The following LHFPL3 variants were observed in gnomAD, a reference collection of about 807,000 sequenced individuals.
LHFPL3 encodes LHFPL tetraspan subfamily member 3.
LHFPL3 carries 5 observed loss-of-function variants against 19.3 expected under a neutral mutation model. The observed-to-expected ratio is 0.26, with a 90% CI of 0.14 to 0.54. LHFPL3 has a LOEUF of 0.54. LHFPL3 is among the 20% of genes least tolerant of loss of function. The pLI is 0.94. For missense variants in LHFPL3, 249 were observed against 307.4 expected (o/e 0.81, Z 1.42); for synonymous variants, 133 against 126.2 (o/e 1.05, Z -0.36).
chr7:104,545,095 G>C (rs1794555798), intron 1 of LHFPL3, among the ~76,000 whole-genome samples: 1 of 152,042 alleles, frequency 6.6e-6, no homozygotes, highest in South Asian at 2.1e-4. Flanking sequence ...TTTGAATGTT[G>C]TCCAATTACT....
intron 1 of LHFPL3, among the ~76,000 whole-genome samples, chr7:104,717,940 A>G (rs1216496146): frequency 2.6e-5 from 4 of 152,222 alleles, no homozygotes; most frequent in African/African-American, 4.8e-5. Context: ...GGATTACAAA[A>G]TATAGTATAT....
intron 1 of LHFPL3, among the ~76,000 whole-genome samples, chr7:104,561,879 TG>T (rs564121631): frequency 3.7e-4 from 56 of 152,268 alleles, no homozygotes; most frequent in South Asian, 2.5e-3. Context: ...GCAGGCCTGG[TG>T]GTGACAAAAT....
At chr7:104,393,454 A>T (rs563361954) in intron 1 of LHFPL3, among the ~76,000 whole-genome samples, 6 of 152,356 alleles carry the variant, frequency 3.9e-5, no homozygotes, top group African/African-American at 1.4e-4. Flanking sequence ...ATGGTGGCTC[A>T]TGCCTGTAAT....
intron 1 of LHFPL3, among the ~76,000 whole-genome samples, chr7:104,381,998 T>A (rs1246457453): frequency 6.6e-6 from 1 of 152,160 alleles, no homozygotes; most frequent in Non-Finnish European, 1.5e-5. Flanking sequence ...CAGAGTATAT[T>A]TAGCTTCCCT....
intron 1 of LHFPL3, among the ~76,000 whole-genome samples, chr7:104,390,381 C>T (rs1009644471): frequency 5.3e-5 from 8 of 150,882 alleles, no homozygotes; most frequent in Non-Finnish European, 7.4e-5. Flanking sequence ...TGTTCCCCAA[C>T]CTGTGTCCAA....
intron 1 of LHFPL3, among the ~76,000 whole-genome samples, chr7:104,451,197 A>G (rs1792430190): frequency 6.6e-6 from 1 of 152,194 alleles, no homozygotes; most frequent in Non-Finnish European, 1.5e-5. Flanking sequence ...CGTTTTTTTC[A>G]TGGAAATATC....
Position 104,906,269 on chromosome 7 carries a change from C to G in LHFPL3, c.*54C>G. ...CAAATCGAATAACAGCTAAACGAATCGAATAACAGCTTTTGTACATCAACA... is the reference window on the plus strand; with the variant it reads ...CAAATCGAATAACAGCTAAACGAATGGAATAACAGCTTTTGTACATCAACA... On this transcript the variant is annotated 3_prime_UTR_variant, in exon 3 of 3. Transcript: ENST00000424859. The G allele has an allele frequency of 6.4e-7, 1 of 1,560,054 alleles. No homozygotes were observed. The highest frequency in any genetic ancestry group is 8.8e-7 in the Non-Finnish European group (1 of 1,142,762).
chr7:104,785,971 C>G (rs749989381), intron 2 of LHFPL3, among the ~76,000 whole-genome samples: 3 of 152,190 alleles, frequency 2.0e-5, no homozygotes, highest in Non-Finnish European at 2.9e-5. Context: ...TGCCAAATTG[C>G]AAACACACTT....
chr7:104,357,492 C>T (rs966365991), intron 1 of LHFPL3, among the ~76,000 whole-genome samples: 1 of 152,140 alleles, frequency 6.6e-6, no homozygotes, highest in Non-Finnish European at 1.5e-5. Context: ...CACTAACTTT[C>T]GGGTAGCCAA....
Position 104,329,213 on chromosome 7 carries a change from AGCTCACCTCCGGTGAGTGCGC to A in LHFPL3, c.445+1_445+21del, listed in dbSNP as rs767607295. The A allele has an allele frequency of 4.1e-5, 66 of 1,606,570 alleles. No homozygotes were observed. Among genetic ancestry groups the A allele is most frequent in the Non-Finnish European group, 4.9e-5 (58 of 1,174,534 alleles). On this transcript the variant is annotated splice_donor_variant and splice_donor_5th_base_variant and coding_sequence_variant and intron_variant, in exon 1 of 3. Coordinates refer to ENST00000424859, the MANE Select transcript of LHFPL3 (RefSeq NM_199000.3). LOFTEE classifies it high-confidence loss of function. The stretch of plus-strand genomic sequence containing the variant: ...GTGTACAAGATATGTGCCTGGATGC[AGCTCACCTCCGGTGAGTGCGC>A]GCTCACCTCCGCGGAGGCGGAGGAC...
intron 1 of LHFPL3, among the ~76,000 whole-genome samples, chr7:104,628,391 T>C (rs1193329405): frequency 5.9e-5 from 9 of 152,192 alleles, no homozygotes; most frequent in Admixed American, 5.9e-4. Flanking sequence ...TGCCCTGACA[T>C]ACATAATCCT....
chr7:104,522,281 A>G (rs376770119), intron 1 of LHFPL3, among the ~76,000 whole-genome samples: 4 of 151,626 alleles, frequency 2.6e-5, no homozygotes, highest in East Asian at 1.9e-4. Flanking sequence ...GTAAACTATC[A>G]CAAGAACAAA....
At chr7:104,768,613 T>A (rs907470497) in intron 2 of LHFPL3, 3 of 152,178 alleles carry the variant, frequency 2.0e-5, no homozygotes, top group African/African-American at 4.8e-5. Flanking sequence ...ATTATTTCTG[T>A]GACTGGCAGT....
intron 2 of LHFPL3, among the ~76,000 whole-genome samples, chr7:104,901,533 G>A (rs1216225440): frequency 6.6e-6 from 1 of 151,426 alleles, no homozygotes. Flanking sequence ...GGTGAGGCAA[G>A]CTAGGTACCT....
At chr7:104,488,996 C>A (rs1793288888) in intron 1 of LHFPL3, among the ~76,000 whole-genome samples, 2 of 152,068 alleles carry the variant, frequency 1.3e-5, no homozygotes, top group Admixed American at 1.3e-4. Flanking sequence ...GTGTCCCATG[C>A]TCAGAAGGGA....
At chr7:104,441,057 A>G (rs536682467) in intron 1 of LHFPL3, among the ~76,000 whole-genome samples, 1 of 152,154 alleles carries the variant, frequency 6.6e-6, no homozygotes, top group Non-Finnish European at 1.5e-5. Flanking sequence ...TCTTAACATG[A>G]GATCTACCCT....
chr7:104,334,604 G>A (rs1042475366), intron 1 of LHFPL3, among the ~76,000 whole-genome samples: 2 of 152,164 alleles, frequency 1.3e-5, no homozygotes, highest in African/African-American at 4.8e-5. Context: ...TACTTTGAAA[G>A]CCGTGATACT....
At chr7:104,505,603 C>T (rs758878788) in intron 1 of LHFPL3, among the ~76,000 whole-genome samples, 5 of 152,054 alleles carry the variant, frequency 3.3e-5, no homozygotes, top group South Asian at 4.1e-4. Flanking sequence ...AAAATTTAAA[C>T]TCTTTGGGAA....
chr7:104,503,447 A>T (rs2115739760), intron 1 of LHFPL3, among the ~76,000 whole-genome samples: 1 of 152,296 alleles, frequency 6.6e-6, no homozygotes, highest in South Asian at 2.1e-4. Context: ...ATGTTTGTTT[A>T]TATTATGAGA....
Sources: allele counts gnomAD v4.1 joint callset (sites outside exome capture counted in the v4.1 genomes callset), GRCh38; gene constraint gnomAD v4.1.1; transcripts MANE v1.5; gene names NCBI Gene and HGNC (gene_info 2026-07-23, HGNC 2026-07-21).